The following NIPAL3 variants were observed in gnomAD, a reference collection of about 807,000 sequenced individuals.
NIPAL3 encodes NIPA-like protein 3.
NIPAL3 carries 41 observed loss-of-function variants against 47.2 expected under a neutral mutation model. The observed-to-expected ratio is 0.87, with a 90% CI of 0.68 to 1.13. The LOEUF is 1.13. Among genes scored for constraint, NIPAL3 ranks in the 50% most tolerant of loss-of-function variants. The pLI is 0.00. For synonymous variants in NIPAL3, 194 were observed against 209.6 expected (o/e 0.93, Z 0.64); for missense variants, 449 against 530.1 (o/e 0.85, Z 1.50).
intron 2 of NIPAL3, among the ~76,000 whole-genome samples, chr1:24,421,043 T>C (rs1278429742): frequency 6.6e-6 from 1 of 152,170 alleles, no homozygotes; most frequent in East Asian, 1.9e-4. Flanking sequence ...AGAGGCCAGG[T>C]GTGGTGGTTC....
chr1:24,461,542 CAA>C (rs59058886), intron 10 of NIPAL3, among the ~76,000 whole-genome samples: 24 of 98,730 alleles, frequency 2.4e-4, no homozygotes, highest in Admixed American at 7.8e-4. Context: ...AATTCCGTCT[CAA>C]AAAAAAAAAA....
In NIPAL3 at chr1:24,470,592, C is replaced by G. The variant is rs898913961; in HGVS notation, c.*1407C>G. The G allele has an allele frequency of 6.6e-6, 1 of 152,182 alleles. No individual in the cohort carries two copies. Among genetic ancestry groups the G allele is most frequent in the African/African-American group, 2.4e-5 (1 of 41,442 alleles). The allele number at this position is 152,182 out of a possible 1,614,324, so 9.4% of individuals were successfully genotyped here. The stretch of plus-strand genomic sequence containing the variant: ...GTTCCTTTGGAAGGTTAAATACTCC[C>G]CATAGGATCTGTGGCATTTCTCCAT... On this transcript the variant is annotated 3_prime_UTR_variant, in exon 12 of 12. Coordinates refer to ENST00000374399, the MANE Select transcript of NIPAL3 (RefSeq NM_020448.5).
rs551567899 is a variant in NIPAL3, at chr1:24,470,715, T to C, written c.*1530T>C. ...ATAGACCAGTGTGATAGATCACTTATCTTTATGGATTGTGCTTAATACTGA... is the reference window on the plus strand; with the variant it reads ...ATAGACCAGTGTGATAGATCACTTACCTTTATGGATTGTGCTTAATACTGA... On this transcript the variant is annotated 3_prime_UTR_variant, in exon 12 of 12. Transcript: ENST00000374399. 1.3e-5 allele frequency: 2 copies of C among 152,260 alleles called. No homozygotes were observed. The highest frequency in any genetic ancestry group is 1.9e-4 in the East Asian group (1 of 5,202). 9.4% of individuals were successfully genotyped at this position (152,260 alleles called of 1,614,324 possible).
At position 24,454,031 on chromosome 1, in the gene NIPAL3, C is replaced by CT. The variant is rs56978150; in HGVS notation, c.637+542dup. On this transcript the variant is annotated intron_variant, in intron 7 of 11. Coordinates refer to ENST00000374399, the MANE Select transcript of NIPAL3 (RefSeq NM_020448.5). The surrounding 1 kb of genome is among the most constrained non-coding windows in gnomAD (Gnocchi z 4.1). ...GGCTAGAACTGCATATTAATTTTTC[C>CT]TTTTTTTTTTTTTTTGAGACAGTCT... The CT allele has an allele frequency of 0.23, 100,055 of 429,274 alleles. 5,475 individuals carry two copies. Among genetic ancestry groups the CT allele is most frequent in the East Asian group, 0.37 (4,874 of 13,016 alleles). 26.6% of individuals were successfully genotyped at this position (429,274 alleles called of 1,614,324 possible).
intron 10 of NIPAL3, among the ~76,000 whole-genome samples, chr1:24,463,207 A>T (rs561018997): frequency 6.6e-6 from 1 of 152,242 alleles, no homozygotes; most frequent in South Asian, 2.1e-4. Context: ...TCAAAAAAAT[A>T]AAAAAGGAAG....
chr1:24,449,177 C>G lies in NIPAL3; in HGVS notation c.395-304C>G, dbSNP rs1034211268. On this transcript the variant is annotated intron_variant, in intron 5 of 11. Transcript: ENST00000374399. The surrounding 1 kb of genome is among the most constrained non-coding windows in gnomAD (Gnocchi z 4.5). The stretch of plus-strand genomic sequence containing the variant: ...ACAAATGAGAAATTTCAGTATCTGG[C>G]TAATGTTCTCTTTCTCCATCTGGGA... Among the ~76,000 whole-genome samples, 1 of 152,182 alleles carries G rather than the reference C, an allele frequency of 6.6e-6. No homozygotes were observed. The highest frequency in any genetic ancestry group is 2.4e-5 in the African/African-American group (1 of 41,446).
rs1276872028 is a variant in NIPAL3 at position 24,471,812 on chromosome 1, A to G, written c.*2627A>G. 2 of 152,164 alleles carry G rather than the reference A, an allele frequency of 1.3e-5. No homozygotes were observed. Among genetic ancestry groups the G allele is most frequent in the Non-Finnish European group, 2.9e-5 (2 of 68,038 alleles). 9.4% of individuals were successfully genotyped at this position (152,164 alleles called of 1,614,324 possible). On this transcript the variant is annotated 3_prime_UTR_variant, in exon 12 of 12. Coordinates refer to ENST00000374399, the MANE Select transcript of NIPAL3 (RefSeq NM_020448.5). The stretch of plus-strand genomic sequence containing the variant: ...GAGCCTGCAAGAACAAAAAACAAAA[A>G]GCAGAAATTAAAATCAGGTTTCACT...
At chr1:24,441,943 T>C (rs780715299) in intron 3 of NIPAL3, 112 bp from the exon 4 acceptor site, 6 of 1,100,786 alleles carry the variant, frequency 5.5e-6, no homozygotes, top group Non-Finnish European at 7.9e-6. Flanking sequence ...CACAAGAACC[T>C]GACAAGTCTT....
chr1:24,440,646 A>C (rs1397552856), intron 3 of NIPAL3, among the ~76,000 whole-genome samples: 1 of 152,166 alleles, frequency 6.6e-6, no homozygotes, highest in East Asian at 1.9e-4. Context: ...CTGACCTCCA[A>C]ATCCCCTCGG....
intron 9 of NIPAL3, among the ~76,000 whole-genome samples, chr1:24,460,198 G>T (rs982976807): frequency 6.6e-6 from 1 of 152,106 alleles, no homozygotes; most frequent in African/African-American, 2.4e-5. Flanking sequence ...GGGAAAGCTG[G>T]AGGAAGGGTG....
At position 24,456,532 on chromosome 1, in the gene NIPAL3, C is replaced by T. The variant is rs573839817; in HGVS notation, c.773+259C>T. Among the ~76,000 whole-genome samples, 24 of 152,260 alleles carry T rather than the reference C, an allele frequency of 1.6e-4. No individual in the cohort carries two copies. In the East Asian group the frequency reaches 4.3e-3, roughly 27 times the overall value. On this transcript the variant is annotated intron_variant, in intron 8 of 11. Transcript: ENST00000374399. ...TTGGGAGGCTGAGGTGGGTGGGTCA[C>T]TTGAGGCCAGGGGTTTGAGACTAGC...
intron 10 of NIPAL3, 116 bp from the exon 11 acceptor site, chr1:24,463,910 C>T: frequency 2.6e-6 from 2 of 771,684 alleles, no homozygotes. Flanking sequence ...GGCGGTGAGC[C>T]CTCCTCCGCA....
At chr1:24,427,728 G>A (rs1260026163) in intron 2 of NIPAL3, among the ~76,000 whole-genome samples, 1 of 152,144 alleles carries the variant, frequency 6.6e-6, no homozygotes, top group African/African-American at 2.4e-5. Context: ...GTGGCCCTAA[G>A]AGAAGGGTGC....
rs186531422 is a variant in NIPAL3 at position 24,431,034 on chromosome 1, C to T, written c.94-9138C>T. ...TCTGTGTAACAGATCTGGAATATAACCTAATTAACAAAGCTAGTCCTTATT... is the reference window on the plus strand; with the variant it reads ...TCTGTGTAACAGATCTGGAATATAATCTAATTAACAAAGCTAGTCCTTATT... On this transcript the variant is annotated intron_variant, in intron 2 of 11. Transcript: ENST00000374399. Among the ~76,000 whole-genome samples, 282 of 152,242 alleles carry T rather than the reference C, an allele frequency of 1.9e-3. 1 individual carries two copies. Among genetic ancestry groups the T allele is most frequent in the Middle Eastern group, 0.014 (4 of 294 alleles).
intron 5 of NIPAL3, among the ~76,000 whole-genome samples, chr1:24,446,666 C>T (rs1401466650): frequency 6.6e-6 from 1 of 152,174 alleles, no homozygotes; most frequent in Non-Finnish European, 1.5e-5. Flanking sequence ...CTTTATCCCT[C>T]TGTCATTGAT....
chr1:24,445,731 G>A (rs973507307), intron 5 of NIPAL3, among the ~76,000 whole-genome samples: 9 of 152,122 alleles, frequency 5.9e-5, no homozygotes, highest in African/African-American at 2.2e-4. Flanking sequence ...GACCTTGGGC[G>A]GGTCCCCCCA....
intron 2 of NIPAL3, among the ~76,000 whole-genome samples, chr1:24,437,645 A>C (rs1278726360): frequency 6.6e-6 from 1 of 152,054 alleles, no homozygotes; most frequent in African/African-American, 2.4e-5. Context: ...ACAACTAATG[A>C]TTTGCTCAGG....
chr1:24,447,314 T>C (rs557754087), intron 5 of NIPAL3, among the ~76,000 whole-genome samples: 1 of 152,182 alleles, frequency 6.6e-6, no homozygotes. Flanking sequence ...TGGATAGATT[T>C]GTGAGAAAAC....
chr1:24,460,710 G>T (rs575450383), intron 10 of NIPAL3, among the ~76,000 whole-genome samples, 166 bp downstream of exon 10: 1 of 152,208 alleles, frequency 6.6e-6, no homozygotes, highest in South Asian at 2.1e-4. Flanking sequence ...TCCTCTAAGG[G>T]CTTTATCTTC....
Sources: gnomAD v4.1 joint callset for allele counts (sites outside exome capture counted in the v4.1 genomes callset) on GRCh38, gnomAD v4.1.1 for gene constraint, Gnocchi (gnomAD v3.1) non-coding constraint, MANE v1.5 for transcripts, NCBI Gene and HGNC (gene_info 2026-07-23, HGNC 2026-07-21) for gene names.